The following DCC variants were observed in gnomAD, a reference collection of about 807,000 sequenced individuals.
DCC encodes the protein DCC netrin 1 receptor.
In DCC, 58 loss-of-function variants were observed where a neutral mutation model predicts 172.5. The observed-to-expected ratio is 0.34, with a 90% CI of 0.27 to 0.42. The LOEUF is 0.42. Ranked by LOEUF, DCC falls within the 10% of genes least tolerant of loss-of-function variation. The pLI, the probability that DCC is intolerant of heterozygous loss-of-function variation, is 1.00. For synonymous variants in DCC, 709 were observed against 644.5 expected (o/e 1.10, Z -1.52); for missense variants, 1,740 against 1,791.0 (o/e 0.97, Z 0.51).
chr18:53,075,583 C>A (rs182591715), intron 7 of DCC, among the ~76,000 whole-genome samples: 1 of 146,372 alleles, frequency 6.8e-6, no homozygotes, highest in African/African-American at 2.5e-5. Flanking sequence ...GTAGAAAAAG[C>A]GGAAGAGAAG....
At chr18:52,818,900 C>T (rs901632784) in intron 2 of DCC, among the ~76,000 whole-genome samples, 1 of 152,188 alleles carries the variant, frequency 6.6e-6, no homozygotes, top group Non-Finnish European at 1.5e-5. Context: ...TTGAATCATT[C>T]TATCAATTAC....
intron 11 of DCC, among the ~76,000 whole-genome samples, chr18:53,214,137 A>G (rs1472370085): frequency 6.6e-6 from 1 of 152,112 alleles, no homozygotes; most frequent in Non-Finnish European, 1.5e-5. Context: ...AAATTAAATA[A>G]CATTTTATAA....
intron 18 of DCC, among the ~76,000 whole-genome samples, chr18:53,402,156 C>T (rs1909335186): frequency 6.6e-6 from 1 of 152,056 alleles, no homozygotes; most frequent in African/African-American, 2.4e-5. Context: ...TAAATGCCTG[C>T]AGTTGTAACA....
intron 1 of DCC, among the ~76,000 whole-genome samples, chr18:52,494,274 G>GTT (rs2030652200): frequency 6.6e-6 from 1 of 151,172 alleles, no homozygotes; most frequent in African/African-American, 2.4e-5. Flanking sequence ...ATGTGTGTGT[G>GTT]TGTGTGTGTG....
intron 1 of DCC, among the ~76,000 whole-genome samples, chr18:52,480,519 G>T (rs1455751816): frequency 6.6e-6 from 1 of 152,182 alleles, no homozygotes; most frequent in African/African-American, 2.4e-5. Context: ...CACTGAGTTT[G>T]TGCATGCCAC....
chr18:53,503,258 T>C (rs1026473225), intron 27 of DCC, among the ~76,000 whole-genome samples: 6 of 152,222 alleles, frequency 3.9e-5, no homozygotes, highest in African/African-American at 1.4e-4. Flanking sequence ...TCTGTTGTCA[T>C]AACGACTGAA....
At chr18:52,410,292 C>A (rs1170580365) in intron 1 of DCC, among the ~76,000 whole-genome samples, 1 of 152,056 alleles carries the variant, frequency 6.6e-6, no homozygotes, top group Non-Finnish European at 1.5e-5. Flanking sequence ...ATGAGTTGGA[C>A]ATGGCAGCAC....
At chr18:53,366,849 C>T (rs557775159) in intron 15 of DCC, among the ~76,000 whole-genome samples, 8 of 152,258 alleles carry the variant, frequency 5.3e-5, no homozygotes, top group Non-Finnish European at 1.0e-4. Context: ...TGCAGTAGAA[C>T]GTGTGAGCAC....
chr18:52,593,229 G>C (rs1032873918), intron 1 of DCC, among the ~76,000 whole-genome samples: 2 of 152,106 alleles, frequency 1.3e-5, no homozygotes, highest in Non-Finnish European at 2.9e-5. Context: ...CCAACTTACA[G>C]GGTTTTTCAG....
intron 2 of DCC, among the ~76,000 whole-genome samples, chr18:52,888,718 A>G (rs1164944957): frequency 6.6e-6 from 1 of 152,024 alleles, no homozygotes; most frequent in African/African-American, 2.4e-5. Context: ...CTGTGATAAG[A>G]TTGCTTTTCC....
intron 1 of DCC, among the ~76,000 whole-genome samples, chr18:52,678,036 C>T (rs2035677044): frequency 6.6e-6 from 1 of 152,122 alleles, no homozygotes; most frequent in African/African-American, 2.4e-5. Flanking sequence ...TGGGTATAAA[C>T]TACAAAGATG....
chr18:52,448,601 G>A (rs996413276), intron 1 of DCC, among the ~76,000 whole-genome samples: 2 of 152,140 alleles, frequency 1.3e-5, no homozygotes, highest in Non-Finnish European at 2.9e-5. Context: ...TTAGGTAGGT[G>A]GGTGGTGGTG....
chr18:53,385,693 A>T (rs1317230725), intron 15 of DCC, among the ~76,000 whole-genome samples: 1 of 152,162 alleles, frequency 6.6e-6, no homozygotes, highest in South Asian at 2.1e-4. Flanking sequence ...GATGTTTCTT[A>T]CACAGATGCA....
chr18:52,652,671 C>T (rs931262778), intron 1 of DCC, among the ~76,000 whole-genome samples: 49 of 146,368 alleles, frequency 3.3e-4, no homozygotes, highest in Admixed American at 2.6e-3. Flanking sequence ...CATTAGTGAG[C>T]GACAGGGAAT....
At chr18:53,202,900 C>T (rs987032358) in intron 9 of DCC, among the ~76,000 whole-genome samples, 16 of 152,144 alleles carry the variant, frequency 1.1e-4, no homozygotes, top group Non-Finnish European at 2.1e-4. Context: ...ATATCAGTTG[C>T]CTGAAAGTCA....
intron 2 of DCC, among the ~76,000 whole-genome samples, chr18:52,835,004 T>C (rs1306469352): frequency 1.3e-5 from 2 of 152,336 alleles, no homozygotes; most frequent in Admixed American, 1.3e-4. Context: ...AGGAATTCTA[T>C]GAAGTTGAAC....
At chr18:52,828,176 G>T (rs2038547514) in intron 2 of DCC, among the ~76,000 whole-genome samples, 1 of 152,144 alleles carries the variant, frequency 6.6e-6, no homozygotes, top group Non-Finnish European at 1.5e-5. Flanking sequence ...ACTACGGGAT[G>T]CAACTCCAAG....
chr18:52,815,160 G>C (rs2038270125), intron 2 of DCC, among the ~76,000 whole-genome samples: 1 of 152,106 alleles, frequency 6.6e-6, no homozygotes, highest in Non-Finnish European at 1.5e-5. Context: ...AATAATTTTG[G>C]TGAAATATGG....
At chr18:52,397,714 A>G (rs1409572563) in intron 1 of DCC, among the ~76,000 whole-genome samples, 1 of 152,058 alleles carries the variant, frequency 6.6e-6, no homozygotes, top group Non-Finnish European at 1.5e-5. Flanking sequence ...TCACTGGAGT[A>G]ATAATAGGAG....
Sources: allele counts gnomAD v4.1 joint callset (sites outside exome capture counted in the v4.1 genomes callset), GRCh38; gene constraint gnomAD v4.1.1; transcripts MANE v1.5; gene names NCBI Gene and HGNC (gene_info 2026-07-23, HGNC 2026-07-21).